AKT3: variants seen among roughly 807,000 people sequenced by gnomAD.
AKT3 encodes RAC-gamma serine/threonine-protein kinase.
In AKT3, 15 loss-of-function variants were observed where a neutral mutation model predicts 65.3. That is an observed-to-expected ratio of 0.23 (90% CI 0.15 to 0.35). The LOEUF is 0.35. Ranked by LOEUF, AKT3 falls within the 10% of genes least tolerant of loss-of-function variation. The pLI is 1.00. For synonymous variants in AKT3, 206 were observed against 183.8 expected (o/e 1.12, Z -0.98); for missense variants, 243 against 576.5 (o/e 0.42, Z 5.92).
At chr1:243,596,650 G>GACACA (rs1676637009) in intron 8 of AKT3, among the ~76,000 whole-genome samples, 2 of 152,120 alleles carry the variant, frequency 1.3e-5, no homozygotes, top group Non-Finnish European at 1.5e-5. Flanking sequence ...ACTGTAAAAT[G>GACACA]ACACAACAGT....
At chr1:243,516,707 G>C (rs574027110) in intron 12 of AKT3, among the ~76,000 whole-genome samples, 1 of 150,802 alleles carries the variant, frequency 6.6e-6, no homozygotes, top group Non-Finnish European at 1.5e-5. Context: ...CAGCCTCCTT[G>C]AGCAATCCTC....
At chr1:243,715,685 G>C (rs527912986) in intron 2 of AKT3, among the ~76,000 whole-genome samples, 1 of 151,496 alleles carries the variant, frequency 6.6e-6, no homozygotes, top group Non-Finnish European at 1.5e-5. Flanking sequence ...AATAAACGAG[G>C]GAAAGAAAAA....
chr1:243,642,902 G>A (rs1680548097), intron 5 of AKT3, among the ~76,000 whole-genome samples: 1 of 152,140 alleles, frequency 6.6e-6, no homozygotes, highest in Admixed American at 6.5e-5. Context: ...GAATACCACA[G>A]TATTAGCATA....
intron 11 of AKT3, among the ~76,000 whole-genome samples, chr1:243,549,868 C>G (rs1672925317): frequency 6.6e-6 from 1 of 152,190 alleles, no homozygotes; most frequent in Non-Finnish European, 1.5e-5. Context: ...GTATCTCACC[C>G]TCTTCTGAAT....
chr1:243,795,533 G>A (rs1351381034), intron 2 of AKT3, among the ~76,000 whole-genome samples: 3 of 138,772 alleles, frequency 2.2e-5, no homozygotes, highest in South Asian at 2.4e-4. Context: ...GTGCAGTGGC[G>A]GGATCTCGGC....
chr1:243,760,573 T>C (rs1199903005), intron 2 of AKT3, among the ~76,000 whole-genome samples: 1 of 152,182 alleles, frequency 6.6e-6, no homozygotes, highest in East Asian at 1.9e-4. Context: ...TAGGGGTCAT[T>C]TGCAGGCATA....
rs139544508 is a variant in AKT3 at position 243,715,447 on chromosome 1, G to A, written c.47-19731C>T. Reference sequence around the variant, plus strand: ...GGGTCTTAAAAGTTCATTATACTGGGCCGACTTTGGTTTCGACATAGACAG... The same window carrying A: ...GGGTCTTAAAAGTTCATTATACTGGACCGACTTTGGTTTCGACATAGACAG... On this transcript the variant is annotated intron_variant, in intron 2 of 13. Transcript: ENST00000673466. 4.1e-3 allele frequency among the ~76,000 whole-genome samples: 628 copies of A among 152,088 alleles called. 4 individuals are homozygous for A. Among genetic ancestry groups the A allele is most frequent in the Non-Finnish European group, 7.1e-3 (484 of 67,914 alleles).
intron 8 of AKT3, among the ~76,000 whole-genome samples, chr1:243,595,481 T>A (rs1311642086): frequency 6.6e-6 from 1 of 152,222 alleles, no homozygotes; most frequent in East Asian, 1.9e-4. Context: ...TCTATAACTT[T>A]TTCACTTTAT....
chr1:243,579,708 T>C (rs185211752), intron 8 of AKT3, among the ~76,000 whole-genome samples: 2 of 152,330 alleles, frequency 1.3e-5, no homozygotes. Context: ...AATTGACTTA[T>C]ATAACTACAA....
intron 12 of AKT3, among the ~76,000 whole-genome samples, chr1:243,535,474 T>A (rs1197674101): frequency 2.0e-5 from 3 of 152,174 alleles, no homozygotes; most frequent in Non-Finnish European, 4.4e-5. Flanking sequence ...ACATGCAGTA[T>A]TTGATTTTCT....
intron 2 of AKT3, among the ~76,000 whole-genome samples, chr1:243,738,967 T>C (rs1687991820): frequency 6.6e-6 from 1 of 152,210 alleles, no homozygotes; most frequent in South Asian, 2.1e-4. Context: ...TCCCTTTTCC[T>C]TCTTTATAAC....
At chr1:243,754,609 T>C (rs976286117) in intron 2 of AKT3, among the ~76,000 whole-genome samples, 39 of 152,144 alleles carry the variant, frequency 2.6e-4, no homozygotes, top group Non-Finnish European at 2.9e-5. Context: ...CCACCTCCTA[T>C]CAGATCAGCT....
chr1:243,847,044 G>A (rs1046993702), intron 1 of AKT3, among the ~76,000 whole-genome samples: 2 of 152,084 alleles, frequency 1.3e-5, no homozygotes, highest in Non-Finnish European at 1.5e-5. Flanking sequence ...ATTTGTTGTC[G>A]GAAGATTCAG....
At chr1:243,649,762 C>A (rs1448428108) in intron 4 of AKT3, among the ~76,000 whole-genome samples, 1 of 152,140 alleles carries the variant, frequency 6.6e-6, no homozygotes, top group Non-Finnish European at 1.5e-5. Flanking sequence ...TTTATGGCTG[C>A]ATAGTATTCC....
chr1:243,577,911 G>C (rs1014043714), intron 8 of AKT3, among the ~76,000 whole-genome samples: 1 of 152,164 alleles, frequency 6.6e-6, no homozygotes, highest in African/African-American at 2.4e-5. Flanking sequence ...AGACATTTAT[G>C]TGACCAACAA....
intron 4 of AKT3, among the ~76,000 whole-genome samples, chr1:243,650,832 A>G (rs1572101595): frequency 6.6e-6 from 1 of 152,196 alleles, no homozygotes; most frequent in African/African-American, 2.4e-5. Flanking sequence ...GAAGTCAGGC[A>G]GCATGATGCC....
rs151261732 is a variant in AKT3 at position 243,529,782 on chromosome 1, C to T, written c.1251+15728G>A. Among the ~76,000 whole-genome samples, 75 of 152,100 alleles carry T rather than the reference C, an allele frequency of 4.9e-4. 1 individual carries two copies. The highest frequency in any genetic ancestry group is 1.6e-3 in the African/African-American group (66 of 41,504). ...TGCCTTGGCTATTCGGGTTCTTTTT[C>T]GGGTCCACATGGATTTAAAAATAGT... On this transcript the variant is annotated intron_variant, in intron 12 of 13. Coordinates refer to ENST00000673466, the MANE Select transcript of AKT3 (RefSeq NM_005465.7).
intron 4 of AKT3, among the ~76,000 whole-genome samples, chr1:243,661,960 C>T (rs1323373417): frequency 6.8e-6 from 1 of 147,976 alleles, no homozygotes; most frequent in Admixed American, 6.8e-5. Context: ...AAAAAATGCT[C>T]ACCATCACTG....
At chr1:243,737,136 T>C (rs1050773870) in intron 2 of AKT3, among the ~76,000 whole-genome samples, 1 of 152,088 alleles carries the variant, frequency 6.6e-6, no homozygotes, top group East Asian at 1.9e-4. Context: ...TACTCTACCT[T>C]CGGATCTCAG....
Sources: allele counts gnomAD v4.1 joint callset (sites outside exome capture counted in the v4.1 genomes callset), GRCh38; gene constraint gnomAD v4.1.1; transcripts MANE v1.5; gene names NCBI Gene and HGNC (gene_info 2026-07-23, HGNC 2026-07-21).